EDEM3: variants seen among roughly 807,000 people sequenced by gnomAD.
EDEM3 encodes the protein ER degradation-enhancing alpha-mannosidase-like protein 3.
In EDEM3, 60 loss-of-function variants were observed where a neutral mutation model predicts 110.2. The observed-to-expected ratio is 0.54, with a 90% CI of 0.44 to 0.67. The LOEUF is 0.67. Among genes scored for constraint, EDEM3 ranks in the 30% least tolerant of loss-of-function variants. EDEM3 has a pLI of 0.00. For missense variants in EDEM3, 996 were observed against 1,121.0 expected, an observed-to-expected ratio of 0.89 and a Z score of 1.59; for synonymous variants, 352 against 382.9, an observed-to-expected ratio of 0.92 and a Z score of 0.94.
intron 19 of EDEM3, among the ~76,000 whole-genome samples, chr1:184,696,428 CTGTTTT>C (rs1348500248): frequency 6.6e-6 from 1 of 151,724 alleles, no homozygotes; most frequent in African/African-American, 2.4e-5. Context: ...TGTTGTTAAC[CTGTTTT>C]TGTTTTTTTT....
rs1649017548 is a variant in EDEM3, at chr1:184,690,546, A to T, written c.*3517T>A. On this transcript the variant is annotated 3_prime_UTR_variant, in exon 20 of 20. Coordinates refer to ENST00000318130, the MANE Select transcript of EDEM3 (RefSeq NM_025191.4). ...TATTAAATCTTTACAATCAGTAATT[A>T]TAATCAAATACATAATTATATACAG... The T allele has an allele frequency of 6.6e-6, 1 of 152,652 alleles. No homozygotes were observed. The highest frequency in any genetic ancestry group is 1.5e-5 in the Non-Finnish European group (1 of 68,028). 9.5% of individuals were successfully genotyped at this position (152,652 alleles called of 1,614,324 possible).
rs758173862 is a variant in EDEM3, at chr1:184,706,640, T to C, written c.2203+3A>G. The C allele has an allele frequency of 3.1e-6, 5 of 1,608,546 alleles. No individual in the cohort carries two copies. Among genetic ancestry groups the C allele is most frequent in the Non-Finnish European group, 4.3e-6 (5 of 1,175,874 alleles). On this transcript the variant is annotated splice_donor_region_variant and intron_variant, in intron 18 of 19. Transcript: ENST00000318130. ...CAACACAATGACATGGATGATTACT[T>C]ACCAATAACAATGCCACCAATGGCT...
At chr1:184,714,170 A>T (rs185987751) in intron 13 of EDEM3, among the ~76,000 whole-genome samples, 1 of 152,372 alleles carries the variant, frequency 6.6e-6, no homozygotes, top group African/African-American at 2.4e-5. Flanking sequence ...ATACTAGAAT[A>T]GACAATTTGT....
intron 1 of EDEM3, among the ~76,000 whole-genome samples, chr1:184,751,542 A>G (rs1451692781): frequency 2.0e-5 from 3 of 152,224 alleles, no homozygotes; most frequent in African/African-American, 7.2e-5. Context: ...TTTAGAACAC[A>G]TATTTCAAAG....
intron 19 of EDEM3, among the ~76,000 whole-genome samples, chr1:184,695,257 A>G (rs1649268729): frequency 6.6e-6 from 1 of 152,012 alleles, no homozygotes; most frequent in South Asian, 2.1e-4. Context: ...TGGCCAGCAA[A>G]TATCCTCCAA....
chr1:184,752,888 G>A (rs1652841909), intron 1 of EDEM3, among the ~76,000 whole-genome samples: 1 of 152,100 alleles, frequency 6.6e-6, no homozygotes, highest in Non-Finnish European at 1.5e-5. Context: ...CATATTCATT[G>A]GGAAATAGGA....
intron 6 of EDEM3, among the ~76,000 whole-genome samples, chr1:184,731,847 A>G (rs966925414): frequency 3.9e-5 from 6 of 152,216 alleles, no homozygotes; most frequent in Admixed American, 2.0e-4. Context: ...CATTTACAAC[A>G]ACATGGATGG....
At chr1:184,742,406 T>C (rs957464605) in intron 2 of EDEM3, among the ~76,000 whole-genome samples, 1 of 152,210 alleles carries the variant, frequency 6.6e-6, no homozygotes, top group Non-Finnish European at 1.5e-5. Context: ...TAATTACTTT[T>C]TTTGAAACGG....
intron 6 of EDEM3, among the ~76,000 whole-genome samples, chr1:184,727,453 CGGGTATACTCTT>C (rs2102100168): frequency 6.6e-6 from 1 of 152,214 alleles, no homozygotes; most frequent in East Asian, 1.9e-4. Flanking sequence ...TAAAACATCA[CGGGTATACTCTT>C]GGTTCAGTTA....
At chr1:184,723,675 T>C in intron 8 of EDEM3, 76 bp downstream of exon 8, 1 of 1,137,494 alleles carries the variant, frequency 8.8e-7, no homozygotes, top group Non-Finnish European at 1.3e-6. Flanking sequence ...AAGATTATTT[T>C]AACAAATGAA....
chr1:184,745,350 C>T (rs1246715566), intron 2 of EDEM3, among the ~76,000 whole-genome samples: 1 of 152,086 alleles, frequency 6.6e-6, no homozygotes, highest in East Asian at 1.9e-4. Flanking sequence ...AAATTTATAT[C>T]TCCCTTACTC....
At chr1:184,700,126 TA>T (rs1312880257) in intron 19 of EDEM3, among the ~76,000 whole-genome samples, 1 of 151,998 alleles carries the variant, frequency 6.6e-6, no homozygotes, top group Admixed American at 6.6e-5. Flanking sequence ...CATCACTTGA[TA>T]AAATGCTAAT....
rs777035783 is a variant in EDEM3 at position 184,721,389 on chromosome 1, A to G, written c.854-3T>C. ...AATCCCTGCTCCAACTCCACTATCT[A>G]TGGAAACACAAATGTGATTTTTCAT... On this transcript the variant is annotated splice_polypyrimidine_tract_variant and splice_region_variant and intron_variant, in intron 8 of 19. Coordinates refer to ENST00000318130, the MANE Select transcript of EDEM3 (RefSeq NM_025191.4). The G allele has an allele frequency of 1.9e-6, 3 of 1,572,468 alleles. No individual in the cohort carries two copies. Among genetic ancestry groups the G allele is most frequent in the Non-Finnish European group, 2.6e-6 (3 of 1,166,920 alleles).
intron 19 of EDEM3, 95 bp downstream of exon 19, chr1:184,702,716 C>A (rs555826368): frequency 3.0e-5 from 28 of 943,220 alleles, no homozygotes; most frequent in Non-Finnish European, 3.9e-5. Context: ...TCACAGTGAA[C>A]CCCCCAAAAC....
At chr1:184,749,236 A>C (rs1652614670) in intron 2 of EDEM3, among the ~76,000 whole-genome samples, 1 of 152,154 alleles carries the variant, frequency 6.6e-6, no homozygotes, top group South Asian at 2.1e-4. Context: ...CTCCCTTAAG[A>C]CCAGAGATAA....
In EDEM3 at chr1:184,754,636, G is replaced by A. The variant is rs562390785; in HGVS notation, c.11C>T (p.Ala4Val). The change falls in exon 1 of 20, where the codon GCC becomes GTC. Residue 4 changes from alanine (A) to valine (V), a missense_variant. Transcript: ENST00000318130. MSE[A>V]GGRGCGSPVP... is the part of the protein sequence containing the mutation. ...CGGGGACCCACAGCCCCGGCCGCCGGCTTCGCTCATGGCCCCGCGGTTCCG... is the reference window on the plus strand; with the variant it reads ...CGGGGACCCACAGCCCCGGCCGCCGACTTCGCTCATGGCCCCGCGGTTCCG... 216 of 1,581,788 alleles carry A rather than the reference G, an allele frequency of 1.4e-4. No homozygotes were observed. The East Asian group carries it at 4.8e-3, about 35-fold the overall frequency.
At position 184,737,068 on chromosome 1, in the gene EDEM3, A is replaced by C; in HGVS notation, c.306-4T>G. 3.2e-6 allele frequency: 5 copies of C among 1,557,960 alleles called. No individual in the cohort carries two copies. The highest frequency in any genetic ancestry group is 4.3e-6 in the Non-Finnish European group (5 of 1,163,152). ...ATCAATCAGTGTCAGAGAAAATCTA[A>C]GAAACAAGCGTTAACAAGATATAAA... On this transcript the variant is annotated splice_polypyrimidine_tract_variant and splice_region_variant and intron_variant, in intron 3 of 19. Coordinates refer to ENST00000318130, the MANE Select transcript of EDEM3 (RefSeq NM_025191.4).
intron 4 of EDEM3, among the ~76,000 whole-genome samples, chr1:184,735,921 A>C (rs1651797796): frequency 6.6e-6 from 1 of 152,192 alleles, no homozygotes; most frequent in Non-Finnish European, 1.5e-5. Flanking sequence ...CTAGCTTGTA[A>C]TCAGACTCTT....
chr1:184,719,693 A>G, intron 9 of EDEM3, 125 bp from the exon 10 acceptor site: 1 of 889,610 alleles, frequency 1.1e-6, no homozygotes, highest in Admixed American at 3.4e-5. Flanking sequence ...AATAACTACC[A>G]ATTTATATAA....
Sources: gnomAD v4.1 joint callset for allele counts (sites outside exome capture counted in the v4.1 genomes callset) on GRCh38, gnomAD v4.1.1 for gene constraint, MANE v1.5 for transcripts, NCBI Gene and HGNC (gene_info 2026-07-23, HGNC 2026-07-21) for gene names.